Variants in PDE3A observed in about 807,000 individuals in gnomAD.
PDE3A encodes phosphodiesterase 3A.
PDE3A carries 43 observed loss-of-function variants against 98.3 expected under a neutral mutation model. That is an observed-to-expected ratio of 0.44 (90% CI 0.34 to 0.56). PDE3A has a LOEUF of 0.56. Among genes scored for constraint, PDE3A ranks in the 20% least tolerant of loss-of-function variants. PDE3A has a pLI of 0.01. For synonymous variants in PDE3A, 663 were observed against 567.9 expected (o/e 1.17, Z -2.38); for missense variants, 1,427 against 1,440.7 (o/e 0.99, Z 0.15).
At chr12:20,588,164 G>GT (rs1305280593) in intron 2 of PDE3A, among the ~76,000 whole-genome samples, 4 of 152,132 alleles carry the variant, frequency 2.6e-5, no homozygotes, top group Non-Finnish European at 5.9e-5. Context: ...GCCTGCTGAC[G>GT]TCAACGAAAT....
At chr12:20,495,540 A>G (rs186115059) in intron 1 of PDE3A, among the ~76,000 whole-genome samples, 1 of 152,092 alleles carries the variant, frequency 6.6e-6, no homozygotes, top group African/African-American at 2.4e-5. Flanking sequence ...TTTTTTCTGT[A>G]TTAAGTTTTC....
intron 15 of PDE3A, among the ~76,000 whole-genome samples, chr12:20,668,191 G>A (rs1945371374): frequency 6.6e-6 from 1 of 152,208 alleles, no homozygotes; most frequent in African/African-American, 2.4e-5. Flanking sequence ...CTGGCTTGGA[G>A]GGTCCTACGC....
Position 20,687,334 on chromosome 12 carries a change from G to T in PDE3A, c.*7063G>T, listed in dbSNP as rs972174157. 1.3e-5 allele frequency among the ~76,000 whole-genome samples: 2 copies of T among 151,872 alleles called. No individual in the cohort carries two copies. Among genetic ancestry groups the T allele is most frequent in the African/African-American group, 2.4e-5 (1 of 41,380 alleles). On this transcript the variant is annotated 3_prime_UTR_variant, in exon 16 of 16. Coordinates refer to ENST00000359062, the MANE Select transcript of PDE3A (RefSeq NM_000921.5). The stretch of plus-strand genomic sequence containing the variant: ...TTTATAAGGATAATTTAGTATTATA[G>T]TATTGCTAACTTTAATAATTCTACC...
Position 20,370,024 on chromosome 12 carries a change from T to C in PDE3A, c.740T>C (p.Leu247Pro), listed in dbSNP as rs981748186. The C allele has an allele frequency of 6.2e-7, 1 of 1,613,120 alleles. No homozygotes were observed. Among genetic ancestry groups the C allele is most frequent in the Non-Finnish European group, 8.5e-7 (1 of 1,179,936 alleles). ...RPYLAYLAGV[L>P]GILLARYVEQ... ...TACCTGGCGTACCTGGCCGGCGTGC[T>C]GGGGATCCTCTTGGCCAGGTACGTG... The change falls in exon 1 of 16, where the codon CTG (leucine) becomes CCG (proline). Residue 247 changes from leucine to proline, a missense_variant. Around this residue, in one of 3 missense-constraint regions of PDE3A, gnomAD observed 1,012 missense variants for 886.5 expected, o/e 1.14. Coordinates refer to ENST00000359062, the MANE Select transcript of PDE3A (RefSeq NM_000921.5).
intron 1 of PDE3A, among the ~76,000 whole-genome samples, chr12:20,413,638 G>C (rs1944371706): frequency 6.6e-6 from 1 of 152,206 alleles, no homozygotes; most frequent in Non-Finnish European, 1.5e-5. Context: ...AGTGTGAGAT[G>C]AGACAGGTGG....
At chr12:20,572,162 C>G in intron 2 of PDE3A, 1 of 1,263,404 alleles carries the variant, frequency 7.9e-7, no homozygotes, top group Non-Finnish European at 1.0e-6. Context: ...GGAGCTTCTA[C>G]TGGGAAAAGG....
At chr12:20,567,121 C>G (rs1942680679) in intron 2 of PDE3A, among the ~76,000 whole-genome samples, 1 of 151,744 alleles carries the variant, frequency 6.6e-6, no homozygotes, top group African/African-American at 2.4e-5. Flanking sequence ...TTTGCAGCAG[C>G]CAGTTTTGTT....
chr12:20,543,905 A>G (rs568278471), intron 1 of PDE3A, among the ~76,000 whole-genome samples: 15 of 152,052 alleles, frequency 9.9e-5, no homozygotes, highest in Admixed American at 7.9e-4. Flanking sequence ...ATTGGATGCT[A>G]TTATTAGCTA....
intron 1 of PDE3A, among the ~76,000 whole-genome samples, chr12:20,385,919 C>T (rs1943749618): frequency 7.4e-6 from 1 of 135,778 alleles, no homozygotes. Flanking sequence ...GTACAAGTAC[C>T]CTAGAACTTA....
In PDE3A at chr12:20,369,790, G is replaced by C. The variant is rs760787571; in HGVS notation, c.506G>C (p.Gly169Ala). 43 of 1,612,560 alleles carry C rather than the reference G, an allele frequency of 2.7e-5. No homozygotes were observed. In the Admixed American group the frequency reaches 3.0e-4, roughly 11 times the overall value. ...LAVALLAACC[G>A]GEALVQIGLG... The stretch of plus-strand genomic sequence containing the variant: ...GTCGCGCTGCTGGCCGCCTGCTGCG[G>C]GGGGGAAGCGCTCGTCCAGATTGGG... The change falls in exon 1 of 16, where the codon GGG (glycine) becomes GCG (alanine). Residue 169 changes from glycine (G) to alanine (A), a missense_variant. Around this residue, in one of 3 missense-constraint regions of PDE3A, gnomAD observed 1,012 missense variants for 886.5 expected, o/e 1.14. Transcript: ENST00000359062.
In PDE3A at chr12:20,481,764, A is replaced by ATTTTTTTTTTTTT. The variant is rs10657239; in HGVS notation, c.961-74886_961-74874dup. Among the ~76,000 whole-genome samples the ATTTTTTTTTTTTT allele has an allele frequency of 7.5e-4, 60 of 79,592 alleles. 7 individuals carry two copies. The highest frequency in any genetic ancestry group is 1.1e-3 in the African/African-American group (22 of 19,306). 52.2% of individuals were successfully genotyped at this position (79,592 alleles called of 152,430 possible). A position where few individuals can be genotyped will look rare whatever the true frequency, so the allele number is the denominator to read the frequency against. Reference sequence around the variant, plus strand: ...TCCATGTAAGTGACTTGGGAAATAGATTTTTTTTTTTTTTTTTTTTTTGAG... The same window carrying ATTTTTTTTTTTTT: ...TCCATGTAAGTGACTTGGGAAATAGATTTTTTTTTTTTTTTTTTTTTTTTTTTTTTTTTTTGAG... On this transcript the variant is annotated intron_variant, in intron 1 of 15. Coordinates refer to ENST00000359062, the MANE Select transcript of PDE3A (RefSeq NM_000921.5).
chr12:20,390,081 TGTGGAAAAGACAG>T (rs1943885157), intron 1 of PDE3A, among the ~76,000 whole-genome samples: 2 of 151,940 alleles, frequency 1.3e-5, no homozygotes, highest in South Asian at 2.1e-4. Flanking sequence ...CATACTGGGT[TGTGGAAAAGACAG>T]GTGGAAAAGA....
At chr12:20,379,914 G>A (rs1011256186) in intron 1 of PDE3A, among the ~76,000 whole-genome samples, 3 of 151,632 alleles carry the variant, frequency 2.0e-5, no homozygotes, top group Non-Finnish European at 3.0e-5. Flanking sequence ...ACTCTCAACT[G>A]AAAATAACCA....
intron 1 of PDE3A, among the ~76,000 whole-genome samples, chr12:20,542,551 G>A (rs1941945919): frequency 6.6e-6 from 1 of 151,658 alleles, no homozygotes; most frequent in African/African-American, 2.4e-5. Context: ...CAATGTTTAT[G>A]TTTTTCAGCA....
At chr12:20,447,533 A>G (rs1359851075) in intron 1 of PDE3A, among the ~76,000 whole-genome samples, 1 of 152,114 alleles carries the variant, frequency 6.6e-6, no homozygotes, top group Non-Finnish European at 1.5e-5. Flanking sequence ...TGTAAAACCT[A>G]AAGGACAGGG....
chr12:20,576,456 C>T (rs1171406783), intron 2 of PDE3A, among the ~76,000 whole-genome samples: 1 of 151,922 alleles, frequency 6.6e-6, no homozygotes, highest in Non-Finnish European at 1.5e-5. Flanking sequence ...GAGATGTGAA[C>T]ATCCTGAAAT....
At chr12:20,533,570 C>A (rs2121195368) in intron 1 of PDE3A, among the ~76,000 whole-genome samples, 1 of 151,532 alleles carries the variant, frequency 6.6e-6, no homozygotes, top group Non-Finnish European at 1.5e-5. Flanking sequence ...CAAGCTCCGC[C>A]TCCCGGGTTC....
At chr12:20,548,165 A>C (rs1942103092) in intron 1 of PDE3A, among the ~76,000 whole-genome samples, 2 of 152,098 alleles carry the variant, frequency 1.3e-5, no homozygotes, top group African/African-American at 4.8e-5. Context: ...TTTTCAAGGA[A>C]GTTTACTTTG....
chr12:20,446,669 A>G (rs1012686041), intron 1 of PDE3A, among the ~76,000 whole-genome samples: 8 of 152,200 alleles, frequency 5.3e-5, no homozygotes, highest in Admixed American at 5.2e-4. Flanking sequence ...TCCAGTTAAC[A>G]ATAGGTAAAT....
Sources: gnomAD v4.1 joint callset for allele counts (sites outside exome capture counted in the v4.1 genomes callset) on GRCh38, gnomAD v4.1.1 for gene constraint, gnomAD v4.1.1 regional missense constraint, MANE v1.5 for transcripts, NCBI Gene and HGNC (gene_info 2026-07-23, HGNC 2026-07-21) for gene names.